Variants in HIRA observed in about 807,000 individuals in gnomAD.
HIRA encodes the protein histone cell cycle regulator.
Under a neutral mutation model 126.6 loss-of-function variants are expected in HIRA, and 13 were observed. That is an observed-to-expected ratio of 0.10 (90% confidence interval 0.07 to 0.16). The LOEUF (loss-of-function observed/expected upper bound fraction) is 0.16. HIRA is among the 10% of genes least tolerant of loss of function. The pLI, the probability that HIRA is intolerant of heterozygous loss-of-function variation, is 1.00. For missense variants in HIRA, 834 were observed against 1,314.4 expected (o/e 0.63, Z 5.65); for synonymous variants, 511 against 520.0 (o/e 0.98, Z 0.24).
At chr22:19,421,222 C>T (rs1249206514) in intron 1 of HIRA, among the ~76,000 whole-genome samples, 3 of 151,848 alleles carry the variant, frequency 2.0e-5, no homozygotes, top group Admixed American at 6.6e-5. Context: ...TCGCTTGAAC[C>T]CTGGAGGCAG....
chr22:19,359,277 A>G, intron 18 of HIRA, 59 bp downstream of exon 18: 1 of 1,470,066 alleles, frequency 6.8e-7, no homozygotes, highest in South Asian at 1.4e-5. Context: ...GCCCAGGCCC[A>G]GAATGATGGC....
intron 2 of HIRA, 94 bp from the exon 3 acceptor site, chr22:19,408,687 T>C: frequency 1.4e-6 from 1 of 692,922 alleles, no homozygotes; most frequent in Non-Finnish European, 2.6e-6. Context: ...AGTCCTCACT[T>C]AGCTTCCATA....
chr22:19,396,670 G>T, intron 7 of HIRA, 117 bp downstream of exon 7: 1 of 1,024,436 alleles, frequency 9.8e-7, no homozygotes, highest in Non-Finnish European at 1.4e-6. Flanking sequence ...CAGGCCCCCG[G>T]ACTCTGTGCA....
intron 15 of HIRA, among the ~76,000 whole-genome samples, chr22:19,363,218 G>T (rs1261340850): frequency 6.7e-6 from 1 of 150,114 alleles, no homozygotes; most frequent in Non-Finnish European, 1.5e-5. Context: ...TGGTGACAAA[G>T]TGAGATTCCG....
intron 24 of HIRA, among the ~76,000 whole-genome samples, chr22:19,348,779 G>C (rs1478064696): frequency 8.5e-5 from 13 of 152,064 alleles, no homozygotes; most frequent in African/African-American, 3.1e-4. Flanking sequence ...ACAGGAGTGA[G>C]CCACCACGCT....
chr22:19,355,722 C>T, intron 21 of HIRA, 38 bp downstream of exon 21: 1 of 1,450,956 alleles, frequency 6.9e-7, no homozygotes, highest in Non-Finnish European at 9.7e-7. Context: ...CAGACAGACA[C>T]TCTTCCAGGG....
At chr22:19,429,230 CG>C (rs1446863750) in intron 1 of HIRA, among the ~76,000 whole-genome samples, 3 of 149,888 alleles carry the variant, frequency 2.0e-5, no homozygotes, top group Non-Finnish European at 4.4e-5. Flanking sequence ...CTCTACCTCC[CG>C]GGCTCAAGCG....
intron 12 of HIRA, 39 bp downstream of exon 12, chr22:19,385,482 T>A: frequency 6.3e-7 from 1 of 1,581,570 alleles, no homozygotes; most frequent in South Asian, 1.1e-5. Flanking sequence ...TCCCTGGGCA[T>A]ATGTCCATGT....
intron 24 of HIRA, among the ~76,000 whole-genome samples, chr22:19,338,416 A>AG (rs2088590861): frequency 6.6e-6 from 1 of 152,084 alleles, no homozygotes; most frequent in Admixed American, 6.5e-5. Flanking sequence ...ATGAAAAAAA[A>AG]AAAACCAACA....
At chr22:19,427,931 T>C (rs1353179306) in intron 1 of HIRA, among the ~76,000 whole-genome samples, 1 of 152,200 alleles carries the variant, frequency 6.6e-6, no homozygotes, top group African/African-American at 2.4e-5. Context: ...TGGTCAATTC[T>C]AAAATAAAAT....
Position 19,408,478 on chromosome 22 carries a change from A to G in HIRA, c.211+5T>C. ...CAAAGCCTGCAAAGGGCCACTCTGT[A>G]ATACCTAAGTGATTGTCCATCTGGC... On this transcript the variant is annotated splice_donor_5th_base_variant and intron_variant, in intron 3 of 24. Coordinates refer to ENST00000263208, the MANE Select transcript of HIRA (RefSeq NM_003325.4). The G allele has an allele frequency of 6.3e-7, 1 of 1,578,836 alleles. No homozygotes were observed. Among genetic ancestry groups the G allele is most frequent in the Non-Finnish European group, 8.7e-7 (1 of 1,147,840 alleles).
intron 24 of HIRA, among the ~76,000 whole-genome samples, chr22:19,334,128 G>C (rs554200083): frequency 6.6e-5 from 10 of 151,438 alleles, no homozygotes; most frequent in Admixed American, 2.6e-4. Flanking sequence ...GCGCCGGCCA[G>C]CACGCCTGGC....
chr22:19,389,044 A>G (rs11089273), intron 9 of HIRA, among the ~76,000 whole-genome samples: 11,762 of 152,286 alleles, frequency 0.077, 509 homozygotes, highest in Middle Eastern at 0.17. Context: ...ATGTGTAGGT[A>G]GTACAGAAAT....
intron 15 of HIRA, among the ~76,000 whole-genome samples, chr22:19,369,318 C>T (rs1350859714): frequency 1.3e-5 from 2 of 152,186 alleles, no homozygotes; most frequent in African/African-American, 4.8e-5. Context: ...CTAGGAAGTG[C>T]CAGTCAGGTT....
chr22:19,402,285 T>A (rs1007733515), intron 5 of HIRA, among the ~76,000 whole-genome samples: 2 of 152,198 alleles, frequency 1.3e-5, no homozygotes, highest in Admixed American at 1.3e-4. Context: ...TGGGAAAAAA[T>A]GTATTTCATC....
Position 19,357,067 on chromosome 22 carries a change from G to C in HIRA, c.2235-16C>G, listed in dbSNP as rs782177134. ...CACCACGTCACTGAGAAGGCAGAGTGGGGGCAGGTGTCATGGGGGCTGAGT... is the reference window on the plus strand; with the variant it reads ...CACCACGTCACTGAGAAGGCAGAGTCGGGGCAGGTGTCATGGGGGCTGAGT... On this transcript the variant is annotated splice_polypyrimidine_tract_variant and intron_variant, in intron 18 of 24. Transcript: ENST00000263208. The C allele has an allele frequency of 8.2e-5, 133 of 1,613,540 alleles. 3 individuals are homozygous for C. In the South Asian group the frequency reaches 1.3e-3, roughly 16 times the overall value.
intron 14 of HIRA, 137 bp downstream of exon 14, chr22:19,377,732 C>G: frequency 2.7e-6 from 2 of 754,342 alleles, no homozygotes; most frequent in South Asian, 3.8e-5. Context: ...GTCCCCATTT[C>G]AAATCACGCA....
chr22:19,394,323 T>A lies in HIRA; in HGVS notation c.822+19A>T. 6.2e-7 allele frequency: 1 copy of A among 1,612,542 alleles called. No individual in the cohort carries two copies. The highest frequency in any genetic ancestry group is 8.5e-7 in the Non-Finnish European group (1 of 1,178,706). ...CTGAATCTTGGAGCCCATCTCCCTT[T>A]AGTTCCCTGGGCACTCACCACGACA... On this transcript the variant is annotated intron_variant, in intron 8 of 24. Transcript: ENST00000263208.
At position 19,398,051 on chromosome 22, in the gene HIRA, C is replaced by G; in HGVS notation, c.434G>C (p.Trp145Ser). 1 of 1,614,114 alleles carries G rather than the reference C, an allele frequency of 6.2e-7. No individual in the cohort carries two copies. The highest frequency in any genetic ancestry group is 8.5e-7 in the Non-Finnish European group (1 of 1,180,004). Reference sequence around the variant, plus strand: ...GTTATCCACGCTGCATGAGGCTAGCCAGGCATCGTGGGGAGACCATGCTAC... The same window carrying G: ...GTTATCCACGCTGCATGAGGCTAGCGAGGCATCGTGGGGAGACCATGCTAC... Reference protein sequence around the residue: ...MDVAWSPHDAWLASCSVDNTV... With the variant: ...MDVAWSPHDASLASCSVDNTV... Residue 145 changes from tryptophan to serine, a missense_variant, in exon 6 of 25, where the codon TGG (tryptophan) becomes TCG (serine). Physicochemically the swap from Trp to Ser is radical, Grantham distance 177 (BLOSUM62 -3). This residue lies in a region of HIRA where 102 missense variants were observed against 191.4 expected (regional missense o/e 0.53). Transcript: ENST00000263208.
Sources: allele counts gnomAD v4.1 joint callset (sites outside exome capture counted in the v4.1 genomes callset), GRCh38; gene constraint gnomAD v4.1.1; regional missense constraint gnomAD v4.1.1; transcripts MANE v1.5; gene names NCBI Gene and HGNC (gene_info 2026-07-23, HGNC 2026-07-21).